Variants in CLUH observed in about 807,000 individuals in gnomAD.
CLUH encodes the protein CLUH binding protein of NUMT mRNA, also known as clustered mitochondria protein homolog.
CLUH carries 77 observed loss-of-function variants against 139.3 expected under a neutral mutation model. That is an observed-to-expected ratio of 0.55 (90% CI 0.46 to 0.67). The LOEUF is 0.67. Among genes scored for constraint, CLUH ranks in the 30% least tolerant of loss-of-function variants. CLUH has a pLI of 0.00. For missense variants in CLUH, 1,876 were observed against 1,875.8 expected, an observed-to-expected ratio of 1.00 and a Z score of 0.00; for synonymous variants, 999 against 801.6, an observed-to-expected ratio of 1.25 and a Z score of -4.16.
intron 16 of CLUH, 35 bp downstream of exon 16, chr17:2,694,822 T>TGCCCCCCCCCCCCCCCCCCCCCCCCC: frequency 7.4e-7 from 1 of 1,346,338 alleles, no homozygotes; most frequent in Non-Finnish European, 1.0e-6. Context: ...ATCTGCCCAA[T>TGCCCCCCCCCCCCCCCCCCCCCCCCC]CCCACCCACC....
Position 2,704,213 on chromosome 17 carries a change from G to A in CLUH, c.303+149C>T, listed in dbSNP as rs73976570. 3.8e-5 allele frequency: 31 copies of A among 826,052 alleles called. No individual in the cohort carries two copies. The highest frequency in any genetic ancestry group is 8.0e-5 in the East Asian group (3 of 37,352). 51.2% of individuals were successfully genotyped at this position (826,052 alleles called of 1,614,324 possible). On this transcript the variant is annotated intron_variant, in intron 2 of 25. Transcript: ENST00000651024. This position sits in a 1 kb window ranked among gnomAD's most constrained non-coding sequence, Gnocchi z 5.7. ...TGGGCTCGATTCCCACGTCCACCAC[G>A]CTAGCTGAGTGACTCTAGGGAGGGC... is the stretch of plus-strand genomic sequence containing the variant.
At position 2,711,740 on chromosome 17, in the gene CLUH, C is replaced by T; in HGVS notation, c.-79G>A. The T allele has an allele frequency of 1.7e-6, 1 of 580,276 alleles. No homozygotes were observed. Among genetic ancestry groups the T allele is most frequent in the Non-Finnish European group, 2.2e-6 (1 of 459,920 alleles). The allele number at this position is 580,276 out of a possible 1,614,324, so 35.9% of individuals were successfully genotyped here. A position where few individuals can be genotyped will look rare whatever the true frequency, so the allele number is the denominator to read the frequency against. ...AACCCAAGTGCCCTGCGCGCCGCGGCTGCTGAGGGAAGGACGGAGTCACCG... is the reference window on the plus strand; with the variant it reads ...AACCCAAGTGCCCTGCGCGCCGCGGTTGCTGAGGGAAGGACGGAGTCACCG... On this transcript the variant is annotated 5_prime_UTR_variant, in exon 1 of 26. Transcript: ENST00000651024.
Position 2,694,058 on chromosome 17 carries a change from G to A in CLUH, c.3092-19C>T. 2 of 1,613,856 alleles carry A rather than the reference G, an allele frequency of 1.2e-6. No homozygotes were observed. On this transcript the variant is annotated intron_variant, in intron 18 of 25. Coordinates refer to ENST00000651024, the MANE Select transcript of CLUH (RefSeq NM_001366661.1). Reference sequence around the variant, plus strand: ...AGGAAGCCTGCAGGGCACCCCCAGGGGTGGCAAGGTCAGGACGGGCCATGG... The same window carrying A: ...AGGAAGCCTGCAGGGCACCCCCAGGAGTGGCAAGGTCAGGACGGGCCATGG...
At chr17:2,709,024 C>G (rs962005609) in intron 1 of CLUH, among the ~76,000 whole-genome samples, 3 of 152,214 alleles carry the variant, frequency 2.0e-5, no homozygotes, top group African/African-American at 7.2e-5. Context: ...CGTGCCCCAA[C>G]AGCACTCTGC....
Position 2,692,876 on chromosome 17 carries a change from G to A in CLUH, c.3232-16C>T, listed in dbSNP as rs1173172321. On this transcript the variant is annotated splice_polypyrimidine_tract_variant and intron_variant, in intron 19 of 25. Transcript: ENST00000651024. ...TACTCAGGGCCTGGGGAGAGACAGTGGTGGTTGCCGCGGCGTGGGAACCCC... is the reference window on the plus strand; with the variant it reads ...TACTCAGGGCCTGGGGAGAGACAGTAGTGGTTGCCGCGGCGTGGGAACCCC... The A allele has an allele frequency of 1.3e-5, 21 of 1,566,224 alleles. No homozygotes were observed. Among genetic ancestry groups the A allele is most frequent in the African/African-American group, 2.7e-5 (2 of 73,798 alleles).
Position 2,692,551 on chromosome 17 carries a change from C to A in CLUH, c.3438+20G>T. The A allele has an allele frequency of 1.9e-6, 3 of 1,605,184 alleles. No homozygotes were observed. Among genetic ancestry groups the A allele is most frequent in the Non-Finnish European group, 2.5e-6 (3 of 1,176,810 alleles). ...TGGGATGGAGCTGGGTCCCTGCCGC[C>A]CCCCCGCCCCAGCACTCACGTCCAG... is the stretch of plus-strand genomic sequence containing the variant. On this transcript the variant is annotated intron_variant, in intron 21 of 25. Coordinates refer to ENST00000651024, the MANE Select transcript of CLUH (RefSeq NM_001366661.1).
Position 2,698,424 on chromosome 17 carries a change from C to T in CLUH, c.1433G>A (p.Gly478Glu). ...FDVRDHYKDF[G>E]GDVAAYVAPT... Reference sequence around the variant, plus strand: ...CGCCACGTAGGCCGCCACGTCCCCCCCGAAGTCCTTGTAGTGGTCTCGGAC... The same window carrying T: ...CGCCACGTAGGCCGCCACGTCCCCCTCGAAGTCCTTGTAGTGGTCTCGGAC... Residue 478 changes from glycine to glutamate, a missense_variant, in exon 10 of 26, where the codon GGG becomes GAG. Transcript: ENST00000651024. 6.2e-7 allele frequency: 1 copy of T among 1,613,404 alleles called. No homozygotes were observed. Among genetic ancestry groups the T allele is most frequent in the Non-Finnish European group, 8.5e-7 (1 of 1,179,840 alleles).
chr17:2,695,337 A>G lies in CLUH; in HGVS notation c.2544+37T>C, dbSNP rs772758641. On this transcript the variant is annotated intron_variant, in intron 14 of 25. Transcript: ENST00000651024. Reference sequence around the variant, plus strand: ...GGCCCCCGGCCTCCATCCCAGTCCCACAGCTCCCGTTCCGCCCCACCCCGG... The same window carrying G: ...GGCCCCCGGCCTCCATCCCAGTCCCGCAGCTCCCGTTCCGCCCCACCCCGG... 2.4e-5 allele frequency: 39 copies of G among 1,613,024 alleles called. No individual in the cohort carries two copies. The Middle Eastern group carries it at 8.2e-4, about 34-fold the overall frequency.
In CLUH at chr17:2,694,508, C is replaced by A. The variant is rs764134004; in HGVS notation, c.2909G>T (p.Arg970Leu). Residue 970 changes from arginine (R) to leucine (L), a missense_variant, in exon 17 of 26, where the codon CGG becomes CTG. Physicochemically the swap from Arg to Leu is moderately radical, Grantham distance 102. Around this residue, in one of 3 missense-constraint regions of CLUH, gnomAD observed 1,454 missense variants for 1,384.4 expected, o/e 1.05. Coordinates refer to ENST00000651024, the MANE Select transcript of CLUH (RefSeq NM_001366661.1). Reference sequence around the variant, plus strand: ...GATCCCTGTTTTCAGCGAGATCTCCCGCAGGAGCGTTATCTTCTGCAGGCC... The same window carrying A: ...GATCCCTGTTTTCAGCGAGATCTCCAGCAGGAGCGTTATCTTCTGCAGGCC... ...TYGLQKITLLREISLKTGIQV... is the reference protein window; with the variant it reads ...TYGLQKITLLLEISLKTGIQV... The A allele has an allele frequency of 6.3e-7, 1 of 1,583,592 alleles. No homozygotes were observed. The highest frequency in any genetic ancestry group is 1.3e-5 in the African/African-American group (1 of 74,468).
rs1472404251 is a variant in CLUH, at chr17:2,698,100, G to A, written c.1757C>T (p.Ser586Leu). ...GCCAATGATGCCCTTGCACTCGACC[G>A]AGGAGCAGAGCTCCACCTCCTCGTC... The part of the protein sequence containing the change: ...DRDEEVELCS[S>L]VECKGIIGND... The change falls in exon 10 of 26, where the codon TCG becomes TTG. Residue 586 changes from serine (S) to leucine (L), a missense_variant. Ser to Leu is a moderately radical substitution (Grantham distance 145). Around this residue, in one of 3 missense-constraint regions of CLUH, gnomAD observed 1,454 missense variants for 1,384.4 expected, o/e 1.05. Transcript: ENST00000651024. 1.2e-6 allele frequency: 2 copies of A among 1,602,778 alleles called. No homozygotes were observed. The highest frequency in any genetic ancestry group is 1.7e-6 in the Non-Finnish European group (2 of 1,176,320).
At chr17:2,693,799 TG>T in intron 19 of CLUH, 100 bp downstream of exon 19, 1 of 1,427,652 alleles carries the variant, frequency 7.0e-7, no homozygotes, top group Non-Finnish European at 9.4e-7. Context: ...AGCGACTTCC[TG>T]GGGTCTCCCT....
At chr17:2,702,145 A>T in intron 3 of CLUH, 88 bp from the exon 4 acceptor site, 1 of 1,465,308 alleles carries the variant, frequency 6.8e-7, no homozygotes. Context: ...TGGAGGTGCT[A>T]ACACAGTGGT....
In CLUH at chr17:2,707,069, TA is replaced by T; in HGVS notation, c.101-2506del. ...CTCCCCAGGACAGCATGTTTTACCCTAATCCTTCCTCCTAGGAACCCCGAAG... is the reference window on the plus strand; with the variant it reads ...CTCCCCAGGACAGCATGTTTTACCCTATCCTTCCTCCTAGGAACCCCGAAG... On this transcript the variant is annotated intron_variant, in intron 1 of 25. Coordinates refer to ENST00000651024, the MANE Select transcript of CLUH (RefSeq NM_001366661.1). The surrounding 1 kb of genome is among the most constrained non-coding windows in gnomAD (Gnocchi z 7.4). The T allele has an allele frequency of 1.6e-6, 1 of 620,286 alleles. No individual in the cohort carries two copies. Among genetic ancestry groups the T allele is most frequent in the Non-Finnish European group, 2.0e-6 (1 of 496,224 alleles). 38.4% of individuals were successfully genotyped at this position (620,286 alleles called of 1,614,324 possible).
In CLUH at chr17:2,701,180, G is replaced by A. The variant is rs761686051; in HGVS notation, c.985C>T (p.Pro329Ser). 1.1e-5 allele frequency: 17 copies of A among 1,613,874 alleles called. No individual in the cohort carries two copies. Among genetic ancestry groups the A allele is most frequent in the Non-Finnish European group, 1.4e-5 (17 of 1,179,894 alleles). The change falls in exon 7 of 26, where the codon CCG (proline) becomes TCG (serine). Residue 329 changes from proline (P) to serine (S), a missense_variant. Coordinates refer to ENST00000651024, the MANE Select transcript of CLUH (RefSeq NM_001366661.1). ...SLVELLNQISPTFKKNFAVLQ... is the reference protein window; with the variant it reads ...SLVELLNQISSTFKKNFAVLQ... ...ACAGCGAAGTTCTTCTTGAAGGTCGGGCTGATCTGGTTGAGCAGCTCCACT... is the reference window on the plus strand; with the variant it reads ...ACAGCGAAGTTCTTCTTGAAGGTCGAGCTGATCTGGTTGAGCAGCTCCACT...
At chr17:2,695,667 TGCCCA>T (rs2069912809) in intron 13 of CLUH, 141 bp from the exon 14 acceptor site, 1 of 1,160,108 alleles carries the variant, frequency 8.6e-7, no homozygotes, top group Non-Finnish European at 1.2e-6. Context: ...TGTCAGAATG[TGCCCA>T]GCCTCTGGCA....
chr17:2,703,928 T>C lies in CLUH; in HGVS notation c.303+434A>G, dbSNP rs2070267261. Among the ~76,000 whole-genome samples the C allele has an allele frequency of 6.6e-6, 1 of 152,146 alleles. No individual in the cohort carries two copies. Among genetic ancestry groups the C allele is most frequent in the South Asian group, 2.1e-4 (1 of 4,830 alleles). On this transcript the variant is annotated intron_variant, in intron 2 of 25. Coordinates refer to ENST00000651024, the MANE Select transcript of CLUH (RefSeq NM_001366661.1). This position sits in a 1 kb window ranked among gnomAD's most constrained non-coding sequence, Gnocchi z 4.2. Reference sequence around the variant, plus strand: ...CGGGTGCCGAGACATACGACGACCCTGTCTCGTTCCCCACTGAGTCACCGG... The same window carrying C: ...CGGGTGCCGAGACATACGACGACCCCGTCTCGTTCCCCACTGAGTCACCGG...
intron 25 of CLUH, 92 bp downstream of exon 25, chr17:2,691,517 C>T: frequency 3.9e-6 from 5 of 1,291,280 alleles, no homozygotes; most frequent in Non-Finnish European, 4.4e-6. Flanking sequence ...GCCGGGATGG[C>T]GCCGCCGCAC....
At position 2,704,532 on chromosome 17, in the gene CLUH, A is replaced by T; in HGVS notation, c.133T>A (p.Cys45Ser). The T allele has an allele frequency of 6.3e-7, 1 of 1,577,112 alleles. No individual in the cohort carries two copies. ...GCCTCCTTCTTCAGGCTCTCTGGGC[A>T]GTCCCCGTTTAAGAGCATGACTGAT... ...LPSVMLLNGD[C>S]PESLKKEAAA... Residue 45 changes from cysteine to serine, a missense_variant, in exon 2 of 26, where the codon TGC becomes AGC. By Grantham distance (112) the Cys-to-Ser change is moderately radical (BLOSUM62 -1). This residue lies in a region of CLUH where 152 missense variants were observed against 136.7 expected (regional missense o/e 1.11). Transcript: ENST00000651024. The surrounding 1 kb of genome is among the most constrained non-coding windows in gnomAD (Gnocchi z 5.7).
chr17:2,697,918 C>A lies in CLUH; in HGVS notation c.1939G>T (p.Val647Leu), dbSNP rs745378304. 4.0e-5 allele frequency: 61 copies of A among 1,524,590 alleles called. No individual in the cohort carries two copies. The highest frequency in any genetic ancestry group is 1.7e-4 in the Middle Eastern group (1 of 5,778). The allele number at this position is 1,524,590 out of a possible 1,614,324, so 94.4% of individuals were successfully genotyped here. A position where few individuals can be genotyped will look rare whatever the true frequency, so the allele number is the denominator to read the frequency against. Reference sequence around the variant, plus strand: ...CACCTGTGCTCCACGAAGGCGTCCACCAGCTCCTGGCGCAGGCAGCAGAGC... The same window carrying A: ...CACCTGTGCTCCACGAAGGCGTCCAACAGCTCCTGGCGCAGGCAGCAGAGC... Reference protein sequence around the residue: ...HKLCCLRQELVDAFVEHRYLL... With the variant: ...HKLCCLRQELLDAFVEHRYLL... Residue 647 changes from valine to leucine, a missense_variant, in exon 10 of 26, where the codon GTG (valine) becomes TTG (leucine). Val to Leu is a conservative substitution (Grantham distance 32). Transcript: ENST00000651024.
Sources: allele counts gnomAD v4.1 joint callset (sites outside exome capture counted in the v4.1 genomes callset), GRCh38; gene constraint gnomAD v4.1.1; regional missense constraint gnomAD v4.1.1; non-coding constraint Gnocchi (gnomAD v3.1); transcripts MANE v1.5; gene names NCBI Gene and HGNC (gene_info 2026-07-23, HGNC 2026-07-21).